Variants in STIMATE observed in about 807,000 individuals in gnomAD.
STIMATE encodes store-operated calcium entry regulator STIMATE.
Under a neutral mutation model 36.7 loss-of-function variants are expected in STIMATE, and 15 were observed. The observed-to-expected ratio is 0.41, with a 90% confidence interval of 0.27 to 0.63. The LOEUF is 0.63. Among genes scored for constraint, STIMATE ranks in the 20% least tolerant of loss-of-function variants. The probability of loss-of-function intolerance (pLI) is 0.32; values close to 1 mark genes in which losing one functional copy is unlikely to be tolerated. For synonymous variants in STIMATE, 163 were observed against 162.3 expected (o/e 1.00, Z -0.03); for missense variants, 305 against 397.3 (o/e 0.77, Z 1.98).
chr3:52,880,481 T>A (rs79848380), intron 1 of STIMATE, among the ~76,000 whole-genome samples: 4,488 of 152,072 alleles, frequency 0.03, 222 homozygotes, highest in African/African-American at 0.1. Context: ...GGTGACTGAG[T>A]CTCAGCACAT....
intron 1 of STIMATE, among the ~76,000 whole-genome samples, chr3:52,885,043 A>G (rs890901139): frequency 2.0e-5 from 3 of 152,216 alleles, no homozygotes; most frequent in African/African-American, 7.2e-5. Context: ...AATGCATAGG[A>G]GTTCCAGAGT....
At chr3:52,841,407 A>G (rs1384673924) in intron 7 of STIMATE, among the ~76,000 whole-genome samples, 1 of 152,238 alleles carries the variant, frequency 6.6e-6, no homozygotes, top group Non-Finnish European at 1.5e-5. Flanking sequence ...AAACAGCGGC[A>G]CTTTGCTGTT....
chr3:52,854,796 G>A (rs1701066198), intron 2 of STIMATE, among the ~76,000 whole-genome samples: 2 of 152,128 alleles, frequency 1.3e-5, no homozygotes, highest in Non-Finnish European at 2.9e-5. Flanking sequence ...CTTAACCTGT[G>A]GATTCTGTTC....
At chr3:52,896,371 C>G (rs144334353) in intron 1 of STIMATE, among the ~76,000 whole-genome samples, 2 of 152,206 alleles carry the variant, frequency 1.3e-5, no homozygotes, top group East Asian at 3.9e-4. Context: ...CCCCCTAAAA[C>G]GCAGTCACAA....
intron 1 of STIMATE, among the ~76,000 whole-genome samples, chr3:52,861,128 C>A (rs982116047): frequency 8.5e-5 from 13 of 152,340 alleles, no homozygotes; most frequent in African/African-American, 2.9e-4. Context: ...CATCCCCACA[C>A]ACCCCTGAGG....
intron 2 of STIMATE, among the ~76,000 whole-genome samples, chr3:52,854,894 G>T (rs1701067669): frequency 6.6e-6 from 1 of 152,186 alleles, no homozygotes; most frequent in Admixed American, 6.5e-5. Flanking sequence ...GTTGATGCTG[G>T]GGGAAGAAAA....
At position 52,897,538 on chromosome 3, in the gene STIMATE, A is replaced by C. The variant is rs979140807; in HGVS notation, c.-88T>G. 2 of 1,177,504 alleles carry C rather than the reference A, an allele frequency of 1.7e-6. No homozygotes were observed. Among genetic ancestry groups the C allele is most frequent in the East Asian group, 7.6e-5 (2 of 26,220 alleles). 72.9% of individuals were successfully genotyped at this position (1,177,504 alleles called of 1,614,324 possible). A position where few individuals can be genotyped will look rare whatever the true frequency, so the allele number is the denominator to read the frequency against. ...CAGCGCCGCCAAACCCGCAGCCGGGATCCCAAGCCTGAGCCGGTACCTCCG... is the reference window on the plus strand; with the variant it reads ...CAGCGCCGCCAAACCCGCAGCCGGGCTCCCAAGCCTGAGCCGGTACCTCCG... On this transcript the variant is annotated 5_prime_UTR_variant, in exon 1 of 8. Coordinates refer to ENST00000355083, the MANE Select transcript of STIMATE (RefSeq NM_198563.5).
chr3:52,844,778 T>G, intron 5 of STIMATE, 51 bp downstream of exon 5: 1 of 1,599,414 alleles, frequency 6.3e-7, no homozygotes, highest in South Asian at 1.1e-5. Context: ...GGGGAGGAAG[T>G]GCTGCTTGCT....
rs867194471 is a variant in STIMATE, at chr3:52,897,503, C to A, written c.-53G>T. 4.2e-6 allele frequency: 5 copies of A among 1,196,980 alleles called. No homozygotes were observed. Among genetic ancestry groups the A allele is most frequent in the Admixed American group, 4.5e-5 (1 of 22,286 alleles). The allele number at this position is 1,196,980 out of a possible 1,614,324, so 74.1% of individuals were successfully genotyped here. ...GCCCAGGGCCCGCCCGGCCTCGCTG[C>A]CTGCCGGCGCAGCGCCGCCAAACCC... On this transcript the variant is annotated 5_prime_UTR_variant, in exon 1 of 8. Coordinates refer to ENST00000355083, the MANE Select transcript of STIMATE (RefSeq NM_198563.5).
intron 1 of STIMATE, among the ~76,000 whole-genome samples, chr3:52,860,922 T>G (rs1701206695): frequency 6.6e-6 from 1 of 152,182 alleles, no homozygotes; most frequent in South Asian, 2.1e-4. Context: ...CCAGGCACCC[T>G]GTCCCACGGA....
Position 52,897,331 on chromosome 3 carries a change from C to T in STIMATE, c.120G>A (p.Leu40=). The T allele has an allele frequency of 6.4e-7, 1 of 1,550,630 alleles. No homozygotes were observed. The highest frequency in any genetic ancestry group is 2.4e-5 in the East Asian group (1 of 41,618). ...AGGCCACGACGCCGAGCAGCCCCTG[C>T]AGGAAGATGCCGAAGCTGTGCATGA... ...GALMHSFGIF[L]QGLLGVVAFS... Residue 40 remains leucine, a synonymous_variant, in exon 1 of 8, where the codon CTG becomes CTA. Coordinates refer to ENST00000355083, the MANE Select transcript of STIMATE (RefSeq NM_198563.5).
chr3:52,897,121 A>T (rs1701877376), intron 1 of STIMATE, among the ~76,000 whole-genome samples, 170 bp downstream of exon 1: 1 of 152,180 alleles, frequency 6.6e-6, no homozygotes, highest in Non-Finnish European at 1.5e-5. Context: ...CACAGCGAGT[A>T]GGTGAGGGGC....
At chr3:52,874,561 T>C (rs6445547) in intron 1 of STIMATE, among the ~76,000 whole-genome samples, 37,081 of 152,140 alleles carry the variant, frequency 0.24, 4,834 homozygotes, top group Admixed American at 0.37. Flanking sequence ...ATTACTTTTG[T>C]AGTAACAACA....
intron 7 of STIMATE, among the ~76,000 whole-genome samples, chr3:52,842,229 G>C (rs1016490908): frequency 6.6e-6 from 1 of 152,196 alleles, no homozygotes; most frequent in African/African-American, 2.4e-5. Flanking sequence ...ACGCAGATGT[G>C]GGGTGAGTGC....
chr3:52,897,219 AG>A, intron 1 of STIMATE, 71 bp downstream of exon 1: 1 of 1,502,900 alleles, frequency 6.7e-7, no homozygotes, highest in Non-Finnish European at 8.8e-7. Context: ...TCCGCGCAGG[AG>A]GGGCCCCCAG....
intron 2 of STIMATE, 147 bp from the exon 3 acceptor site, chr3:52,852,845 A>C: frequency 6.5e-6 from 6 of 925,440 alleles, no homozygotes; most frequent in South Asian, 1.8e-5. Context: ...GCACTAACTC[A>C]GGCTTGGCAT....
At chr3:52,842,183 C>G (rs1370777863) in intron 7 of STIMATE, among the ~76,000 whole-genome samples, 1 of 152,246 alleles carries the variant, frequency 6.6e-6, no homozygotes, top group Non-Finnish European at 1.5e-5. Context: ...CTGCACACTT[C>G]CTAGGCCTCC....
intron 5 of STIMATE, among the ~76,000 whole-genome samples, chr3:52,844,556 A>T (rs1257856815): frequency 6.6e-6 from 1 of 152,232 alleles, no homozygotes; most frequent in Non-Finnish European, 1.5e-5. Flanking sequence ...AAGGCCTAAA[A>T]ACCACCATCA....
At position 52,861,626 on chromosome 3, in the gene STIMATE, G is replaced by A. The variant is rs150511100; in HGVS notation, c.161-6182C>T. The stretch of plus-strand genomic sequence containing the variant: ...TGAGAAGACAGATGGAAATGTCAGT[G>A]ATGAACATGTGCTCAGGAGAGCATG... On this transcript the variant is annotated intron_variant, in intron 1 of 7. Coordinates refer to ENST00000355083, the MANE Select transcript of STIMATE (RefSeq NM_198563.5). Among the ~76,000 whole-genome samples, 1,089 of 152,342 alleles carry A rather than the reference G, an allele frequency of 7.1e-3. 113 individuals are homozygous for A. The South Asian group carries it at 0.2, about 28-fold the overall frequency.
Sources: gnomAD v4.1 joint callset for allele counts (sites outside exome capture counted in the v4.1 genomes callset) on GRCh38, gnomAD v4.1.1 for gene constraint, MANE v1.5 for transcripts, NCBI Gene and HGNC (gene_info 2026-07-23, HGNC 2026-07-21) for gene names.